The following ABCA13 variants were observed in gnomAD, a reference collection of about 807,000 sequenced individuals.
ABCA13 encodes ATP-binding cassette sub-family A member 13.
ABCA13 carries 476 observed loss-of-function variants against 478.7 expected under a neutral mutation model. The ratio of observed to expected loss-of-function variants is 0.99; its 90% CI spans 0.92 to 1.07. The LOEUF is 1.07. Ranked by LOEUF, ABCA13 falls within the 50% of genes least tolerant of loss-of-function variation. The pLI is 0.00. For synonymous variants in ABCA13, 2,252 were observed against 2,158.9 expected, an observed-to-expected ratio of 1.04 and a Z score of -1.20; for missense variants, 6,060 against 5,910.6, an observed-to-expected ratio of 1.03 and a Z score of -0.83.
At chr7:48,396,670 C>T (rs1585145728) in intron 38 of ABCA13, among the ~76,000 whole-genome samples, 1 of 152,336 alleles carries the variant, frequency 6.6e-6, no homozygotes, top group South Asian at 2.1e-4. Flanking sequence ...TACGGACCCT[C>T]ATTGGGGATT....
At chr7:48,392,791 G>A (rs977421235) in intron 38 of ABCA13, among the ~76,000 whole-genome samples, 2 of 152,168 alleles carry the variant, frequency 1.3e-5, no homozygotes, top group Non-Finnish European at 2.9e-5. Flanking sequence ...CCACTGGGGT[G>A]CATGGGCCAG....
At chr7:48,572,750 C>A (rs1361500582) in intron 55 of ABCA13, among the ~76,000 whole-genome samples, 1 of 151,968 alleles carries the variant, frequency 6.6e-6, no homozygotes, top group African/African-American at 2.4e-5. Flanking sequence ...GGAATAATGG[C>A]CTCAGTAAGT....
chr7:48,496,617 A>G (rs1830300774), intron 48 of ABCA13, among the ~76,000 whole-genome samples: 1 of 151,922 alleles, frequency 6.6e-6, no homozygotes, highest in Non-Finnish European at 1.5e-5. Context: ...ATTCTTTAAG[A>G]GTAGGTTTGC....
intron 15 of ABCA13, among the ~76,000 whole-genome samples, chr7:48,267,087 T>C (rs1322580354): frequency 1.3e-5 from 2 of 152,058 alleles, no homozygotes; most frequent in African/African-American, 2.4e-5. Context: ...ACTTGCTTTA[T>C]GGTCTGGAAT....
chr7:48,530,400 C>T (rs1469630472), intron 55 of ABCA13, among the ~76,000 whole-genome samples: 1 of 151,876 alleles, frequency 6.6e-6, no homozygotes, highest in African/African-American at 2.4e-5. Context: ...GATTGATGGG[C>T]ATTTGAGCTG....
At chr7:48,432,481 A>G (rs1053321725) in intron 42 of ABCA13, among the ~76,000 whole-genome samples, 2 of 152,158 alleles carry the variant, frequency 1.3e-5, no homozygotes, top group Non-Finnish European at 2.9e-5. Context: ...TATATATCCA[A>G]GGAAATGAAA....
intron 51 of ABCA13, 42 bp from the exon 52 acceptor site, chr7:48,516,683 T>C (rs762094186): frequency 2.5e-6 from 4 of 1,579,744 alleles, no homozygotes; most frequent in Non-Finnish European, 3.5e-6. Flanking sequence ...CTACTGTAAA[T>C]GTTACAGTAA....
At chr7:48,187,624 G>A (rs144063145) in intron 1 of ABCA13, among the ~76,000 whole-genome samples, 5,833 of 151,766 alleles carry the variant, frequency 0.038, 201 homozygotes, top group Admixed American at 0.11. Context: ...ATTGTAAGCT[G>A]TTTCTTATTC....
chr7:48,196,265 T>C, intron 2 of ABCA13, among the ~76,000 whole-genome samples: 1 of 152,140 alleles, frequency 6.6e-6, no homozygotes, highest in East Asian at 1.9e-4. Flanking sequence ...TCTTGCTTTG[T>C]ATCAGGACTG....
intron 47 of ABCA13, among the ~76,000 whole-genome samples, chr7:48,485,830 C>G (rs972349167): frequency 1.3e-5 from 2 of 152,184 alleles, no homozygotes; most frequent in Admixed American, 1.3e-4. Context: ...TATCCAGGCC[C>G]TGGTTCTACA....
intron 48 of ABCA13, among the ~76,000 whole-genome samples, chr7:48,496,947 T>A (rs1830328961): frequency 1.3e-5 from 2 of 152,078 alleles, no homozygotes; most frequent in African/African-American, 4.8e-5. Flanking sequence ...TTTATTTAGC[T>A]CTTGGATTTT....
At chr7:48,497,854 C>T (rs149094588) in intron 48 of ABCA13, among the ~76,000 whole-genome samples, 1 of 152,198 alleles carries the variant, frequency 6.6e-6, no homozygotes, top group African/African-American at 2.4e-5. Flanking sequence ...TCTTTAGTCT[C>T]ATCGAAGCCA....
At chr7:48,639,274 TC>T (rs1227630570) in intron 59 of ABCA13, among the ~76,000 whole-genome samples, 11 of 152,312 alleles carry the variant, frequency 7.2e-5, no homozygotes, top group Admixed American at 5.9e-4. Context: ...CAGCCACCCT[TC>T]CTCAGTGCCA....
Position 48,275,579 on chromosome 7 carries a change from A to G in ABCA13, c.5913A>G (p.Glu1971=). The change falls in exon 17 of 62, where the codon GAA becomes GAG. Residue 1971 remains glutamate, a synonymous_variant. Transcript: ENST00000435803. ...NVNFTKVTSG[E]NILDKLSSLN... The stretch of plus-strand genomic sequence containing the variant: ...ACTTTACAAAAGTTACATCAGGTGA[A>G]AATATTCTTGACAAACTAAGTAGTT... The G allele has an allele frequency of 6.2e-7, 1 of 1,613,418 alleles. No individual in the cohort carries two copies. The highest frequency in any genetic ancestry group is 8.5e-7 in the Non-Finnish European group (1 of 1,179,642).
intron 38 of ABCA13, 88 bp from the exon 39 acceptor site, chr7:48,403,594 GC>G: frequency 7.6e-7 from 1 of 1,312,970 alleles, no homozygotes; most frequent in Admixed American, 2.0e-5. Context: ...AACGATTTCA[GC>G]CACTGTTAGT....
At chr7:48,244,990 C>A (rs1424679536) in intron 11 of ABCA13, among the ~76,000 whole-genome samples, 1 of 152,182 alleles carries the variant, frequency 6.6e-6, no homozygotes. Flanking sequence ...TTGACTTTCA[C>A]ATTCACGGCA....
At chr7:48,244,802 G>A in intron 11 of ABCA13, 99 bp downstream of exon 11, 1 of 1,422,852 alleles carries the variant, frequency 7.0e-7, no homozygotes, top group Admixed American at 2.3e-5. Context: ...TTGTAAAGTT[G>A]GGAGATAACT....
At position 48,275,802 on chromosome 7, in the gene ABCA13, A is replaced by T; in HGVS notation, c.6136A>T (p.Ile2046Phe). Residue 2046 changes from isoleucine (I) to phenylalanine (F), a missense_variant, in exon 17 of 62, where the codon ATT (isoleucine) becomes TTT (phenylalanine). By Grantham distance (21) the Ile-to-Phe change is conservative. Around this residue, in one of 3 missense-constraint regions of ABCA13, gnomAD observed 4,423 missense variants for 4,309.1 expected, o/e 1.03. Coordinates refer to ENST00000435803, the MANE Select transcript of ABCA13 (RefSeq NM_152701.5). Reference sequence around the variant, plus strand: ...CAGTTTAGAAGCATTATCAAGTTTTATTGAAAAAAGTGAAACACCTTACAA... The same window carrying T: ...CAGTTTAGAAGCATTATCAAGTTTTTTTGAAAAAAGTGAAACACCTTACAA... ...GSSLEALSSF[I>F]EKSETPYNFE... The T allele has an allele frequency of 6.2e-7, 1 of 1,612,586 alleles. No homozygotes were observed. The highest frequency in any genetic ancestry group is 8.5e-7 in the Non-Finnish European group (1 of 1,179,278).
At chr7:48,550,006 T>G (rs6957309) in intron 55 of ABCA13, among the ~76,000 whole-genome samples, 20,347 of 151,762 alleles carry the variant, frequency 0.13, 1,879 homozygotes, top group African/African-American at 0.21. Flanking sequence ...CTCCCATTCT[T>G]TAGGTTCCCT....
Sources: gnomAD v4.1 joint callset for allele counts (sites outside exome capture counted in the v4.1 genomes callset) on GRCh38, gnomAD v4.1.1 for gene constraint, gnomAD v4.1.1 regional missense constraint, MANE v1.5 for transcripts, NCBI Gene and HGNC (gene_info 2026-07-23, HGNC 2026-07-21) for gene names.